SSH1: variants seen among roughly 807,000 people sequenced by gnomAD.
SSH1 encodes slingshot protein phosphatase 1, also known as protein phosphatase Slingshot homolog 1.
In SSH1, 43 loss-of-function variants were observed where a neutral mutation model predicts 79.7. The ratio of observed to expected loss-of-function variants is 0.54; its 90% CI spans 0.42 to 0.70. The LOEUF (loss-of-function observed/expected upper bound fraction) is 0.70. Among genes scored for constraint, SSH1 ranks in the 30% least tolerant of loss-of-function variants. The pLI, the probability that SSH1 is intolerant of heterozygous loss-of-function variation, is 0.00. For synonymous variants in SSH1, 599 were observed against 538.3 expected (o/e 1.11, Z -1.56); for missense variants, 1,206 against 1,358.8 (o/e 0.89, Z 1.77).
chr12:108,785,374 G>A lies in SSH1; in HGVS notation c.*2614C>T, dbSNP rs185188232. Reference sequence around the variant, plus strand: ...TGACCTCAGATGATCCGCCTGCCTCGGCCTCCCAAAGTGCTAGGATTACAG... The same window carrying A: ...TGACCTCAGATGATCCGCCTGCCTCAGCCTCCCAAAGTGCTAGGATTACAG... On this transcript the variant is annotated 3_prime_UTR_variant, in exon 15 of 15. Coordinates refer to ENST00000326495, the MANE Select transcript of SSH1 (RefSeq NM_018984.4). 1,057 of 152,234 alleles carry A rather than the reference G, an allele frequency of 6.9e-3. 10 individuals carry two copies. The highest frequency in any genetic ancestry group is 9.7e-3 in the Non-Finnish European group (661 of 68,074). The allele number at this position is 152,234 out of a possible 1,614,324, so 9.4% of individuals were successfully genotyped here. A position where few individuals can be genotyped will look rare whatever the true frequency, so the allele number is the denominator to read the frequency against.
At chr12:108,804,938 G>C in intron 10 of SSH1, 118 bp downstream of exon 10, 3 of 1,265,294 alleles carry the variant, frequency 2.4e-6, no homozygotes, top group Non-Finnish European at 3.4e-6. Flanking sequence ...CAGGATGGAG[G>C]CTCTGGCAAC....
chr12:108,841,785 G>C (rs2038783197), intron 2 of SSH1, among the ~76,000 whole-genome samples: 1 of 151,498 alleles, frequency 6.6e-6, no homozygotes, highest in African/African-American at 2.4e-5. Flanking sequence ...CTCCAGCCTG[G>C]TGACAGAGCA....
At chr12:108,802,687 G>T (rs1160624776) in intron 10 of SSH1, among the ~76,000 whole-genome samples, 2 of 152,172 alleles carry the variant, frequency 1.3e-5, no homozygotes, top group African/African-American at 2.4e-5. Flanking sequence ...CAGTGGGGGG[G>T]GGTCCTGTAA....
chr12:108,839,379 C>T (rs910624402), intron 2 of SSH1, among the ~76,000 whole-genome samples: 2 of 152,230 alleles, frequency 1.3e-5, no homozygotes, highest in South Asian at 2.1e-4. Context: ...CTCCCAGCTG[C>T]AACAGACACA....
At chr12:108,839,221 G>C (rs1782068110) in intron 2 of SSH1, among the ~76,000 whole-genome samples, 1 of 152,242 alleles carries the variant, frequency 6.6e-6, no homozygotes, top group African/African-American at 2.4e-5. Flanking sequence ...TGTTTCACAA[G>C]AGGTTCTTTT....
intron 2 of SSH1, among the ~76,000 whole-genome samples, chr12:108,829,585 C>A (rs886385701): frequency 2.6e-5 from 4 of 152,170 alleles, no homozygotes; most frequent in Non-Finnish European, 4.4e-5. Context: ...TGCTGGTGAT[C>A]TGGGTGTCTG....
chr12:108,840,291 G>A (rs1456844165), intron 2 of SSH1, among the ~76,000 whole-genome samples: 1 of 152,076 alleles, frequency 6.6e-6, no homozygotes, highest in Non-Finnish European at 1.5e-5. Context: ...CAGCACTTTG[G>A]GAGGCCGAGG....
intron 2 of SSH1, among the ~76,000 whole-genome samples, chr12:108,844,845 A>G (rs1345843386): frequency 6.6e-6 from 1 of 152,220 alleles, no homozygotes; most frequent in Non-Finnish European, 1.5e-5. Context: ...GTGGTGGCTC[A>G]CGCCTGTAAT....
chr12:108,800,374 C>T (rs1282587418), intron 12 of SSH1, among the ~76,000 whole-genome samples: 2 of 152,098 alleles, frequency 1.3e-5, no homozygotes, highest in East Asian at 1.9e-4. Flanking sequence ...GCTCTAAGCC[C>T]GTGTCCGTGC....
intron 5 of SSH1, among the ~76,000 whole-genome samples, chr12:108,814,205 T>C (rs1015686385): frequency 5.3e-5 from 8 of 152,014 alleles, no homozygotes; most frequent in African/African-American, 1.4e-4. Context: ...GCCTGGGTGA[T>C]AGAGTGAGAC....
In SSH1 at chr12:108,785,923, AG is replaced by A. The variant is rs1231917023; in HGVS notation, c.*2064del. ...AAGGGGGAACAACCCACAGGGGTTT[AG>A]GAATAAGTGGATAATCACCTTTTAA... On this transcript the variant is annotated 3_prime_UTR_variant, in exon 15 of 15. Transcript: ENST00000326495. The A allele has an allele frequency of 1.3e-5, 2 of 152,214 alleles. No homozygotes were observed. The highest frequency in any genetic ancestry group is 4.8e-5 in the African/African-American group (2 of 41,450). The allele number at this position is 152,214 out of a possible 1,614,324, so 9.4% of individuals were successfully genotyped here.
rs1267330837 is a variant in SSH1, at chr12:108,783,516, C to G, written c.*4472G>C. 1 of 152,216 alleles carries G rather than the reference C, an allele frequency of 6.6e-6. No homozygotes were observed. The highest frequency in any genetic ancestry group is 1.5e-5 in the Non-Finnish European group (1 of 68,026). 9.4% of individuals were successfully genotyped at this position (152,216 alleles called of 1,614,324 possible). On this transcript the variant is annotated 3_prime_UTR_variant, in exon 15 of 15. Coordinates refer to ENST00000326495, the MANE Select transcript of SSH1 (RefSeq NM_018984.4). ...CATGCAGCAAGGCCGACAGGAAGGA[C>G]AGTGGAGGACTGGTGATCTGCTTAT...
In SSH1 at chr12:108,781,083, C is replaced by CA. The variant is rs1448205836; in HGVS notation, c.*6904dup. 1 of 151,222 alleles carries CA rather than the reference C, an allele frequency of 6.6e-6. No homozygotes were observed. The highest frequency in any genetic ancestry group is 2.4e-5 in the African/African-American group (1 of 41,102). The allele number at this position is 151,222 out of a possible 1,614,324, so 9.4% of individuals were successfully genotyped here. A position where few individuals can be genotyped will look rare whatever the true frequency, so the allele number is the denominator to read the frequency against. On this transcript the variant is annotated 3_prime_UTR_variant, in exon 15 of 15. Transcript: ENST00000326495. ...AGCATCCCACTAAACTTTTAATATT[C>CA]AATAAGCAATTCTTAACCAAAATTT... is the stretch of plus-strand genomic sequence containing the variant.
rs764702989 is a variant in SSH1 at position 108,835,886 on chromosome 12, A to ATTTATAATATAG, written c.111-12526_111-12525insCTATATTATAAA. On this transcript the variant is annotated intron_variant, in intron 2 of 14. Transcript: ENST00000326495. The stretch of plus-strand genomic sequence containing the variant: ...GCATATATACATATTATATTAATTA[A>ATTTATAATATAG]TTATAACTATATTAATATAATTAAT... Among the ~76,000 whole-genome samples, 821 of 122,072 alleles carry ATTTATAATATAG rather than the reference A, an allele frequency of 6.7e-3. 69 individuals are homozygous for ATTTATAATATAG. Among genetic ancestry groups the ATTTATAATATAG allele is most frequent in the Admixed American group, 0.013 (148 of 11,804 alleles). The allele number at this position is 122,072 out of a possible 152,430, so 80.1% of individuals were successfully genotyped here. A position where few individuals can be genotyped will look rare whatever the true frequency, so the allele number is the denominator to read the frequency against.
chr12:108,848,398 A>C (rs2038947875), intron 2 of SSH1, among the ~76,000 whole-genome samples: 1 of 152,092 alleles, frequency 6.6e-6, no homozygotes. Flanking sequence ...AAGAGAGAGA[A>C]ATACCCTGCT....
rs2036345597 is a variant in SSH1 at position 108,788,198 on chromosome 12, G to A, written c.2940C>T (p.Ala980=). The A allele has an allele frequency of 6.2e-7, 1 of 1,614,064 alleles. No individual in the cohort carries two copies. The highest frequency in any genetic ancestry group is 8.5e-7 in the Non-Finnish European group (1 of 1,180,028). Residue 980 remains alanine (A), a synonymous_variant, in exon 15 of 15, where the codon GCC becomes GCT. Transcript: ENST00000326495. The part of the protein sequence containing the change: ...SSPLKRSHSL[A]KLGSLTFSTE... ...TTGAGAAGGTGAGACTCCCCAGCTT[G>A]GCAAGAGAGTGTGAGCGCTTCAGTG...
chr12:108,787,546 G>A lies in SSH1; in HGVS notation c.*442C>T, dbSNP rs146791003. 4.7e-4 allele frequency: 82 copies of A among 175,022 alleles called. No individual in the cohort carries two copies. Among genetic ancestry groups the A allele is most frequent in the African/African-American group, 1.6e-3 (68 of 42,180 alleles). The allele number at this position is 175,022 out of a possible 1,614,324, so 10.8% of individuals were successfully genotyped here. A position where few individuals can be genotyped will look rare whatever the true frequency, so the allele number is the denominator to read the frequency against. On this transcript the variant is annotated 3_prime_UTR_variant, in exon 15 of 15. Transcript: ENST00000326495. ...GTGTTTTAAAAATAAAAAGCGCAGC[G>A]AGAACAGAGGTAGGACTTAATGTTG... is the stretch of plus-strand genomic sequence containing the variant.
chr12:108,827,185 C>A, intron 2 of SSH1: 4 of 1,403,146 alleles, frequency 2.9e-6, no homozygotes, highest in South Asian at 1.5e-5. Context: ...AACCCCAGGC[C>A]CCCAAAATAT....
At chr12:108,814,913 C>T (rs999099693) in intron 5 of SSH1, among the ~76,000 whole-genome samples, 6 of 152,104 alleles carry the variant, frequency 3.9e-5, no homozygotes, top group East Asian at 1.9e-4. Flanking sequence ...CAGGCAGCAG[C>T]GGAGTGGGAT....
Sources: gnomAD v4.1 joint callset for allele counts (sites outside exome capture counted in the v4.1 genomes callset) on GRCh38, gnomAD v4.1.1 for gene constraint, MANE v1.5 for transcripts, NCBI Gene and HGNC (gene_info 2026-07-23, HGNC 2026-07-21) for gene names.